The following XPO4 variants were observed in gnomAD, a reference collection of about 807,000 sequenced individuals.
The protein encoded by XPO4 is exportin 4.
A neutral mutation model predicts 143.0 loss-of-function variants in XPO4; 39 were observed. That is an observed-to-expected ratio of 0.27 (90% CI 0.21 to 0.36). XPO4 has a LOEUF of 0.36. Among genes scored for constraint, XPO4 ranks in the 10% least tolerant of loss-of-function variants. The pLI, the probability that XPO4 is intolerant of heterozygous loss-of-function variation, is 1.00. For synonymous variants in XPO4, 439 were observed against 474.0 expected, an observed-to-expected ratio of 0.93 and a Z score of 0.96; for missense variants, 907 against 1,348.0, an observed-to-expected ratio of 0.67 and a Z score of 5.12.
chr13:20,888,048 G>A (rs185912498), intron 1 of XPO4, among the ~76,000 whole-genome samples: 8 of 150,938 alleles, frequency 5.3e-5, no homozygotes, highest in Non-Finnish European at 7.4e-5. Context: ...GGTAGTGTAC[G>A]CCTGTAATCC....
chr13:20,790,418 C>G (rs769110968), intron 19 of XPO4, 44 bp downstream of exon 19: 4 of 1,427,178 alleles, frequency 2.8e-6, no homozygotes, highest in Non-Finnish European at 4.0e-6. Context: ...CTTTGAACTT[C>G]AGTTACACAT....
intron 1 of XPO4, among the ~76,000 whole-genome samples, chr13:20,886,510 G>A (rs1408554552): frequency 4.6e-5 from 7 of 152,044 alleles, no homozygotes; most frequent in Admixed American, 4.6e-4. Flanking sequence ...TACTCGGGAG[G>A]CTGAGGCAGG....
intron 1 of XPO4, among the ~76,000 whole-genome samples, chr13:20,876,488 G>A (rs2060354935): frequency 6.6e-6 from 1 of 151,692 alleles, no homozygotes. Context: ...CAATTTCTAA[G>A]GAAAAACATA....
At chr13:20,794,335 C>T (rs1205138649) in intron 18 of XPO4, among the ~76,000 whole-genome samples, 1 of 139,310 alleles carries the variant, frequency 7.2e-6, no homozygotes, top group Non-Finnish European at 1.5e-5. Flanking sequence ...AATAAGAATC[C>T]AAGAAAATGA....
In XPO4 at chr13:20,795,636, G is replaced by A. The variant is rs151058656; in HGVS notation, c.2797+440C>T. 9.4e-4 allele frequency among the ~76,000 whole-genome samples: 143 copies of A among 152,266 alleles called. 1 individual carries two copies. The highest frequency in any genetic ancestry group is 3.0e-3 in the African/African-American group (124 of 41,544). On this transcript the variant is annotated intron_variant, in intron 18 of 22. Transcript: ENST00000255305. ...TGCTAGGGTTTCTGGGGTGGCCACC[G>A]TGAGGAACATGGAGAAGTGATTAGT...
intron 6 of XPO4, among the ~76,000 whole-genome samples, chr13:20,837,912 T>C (rs139305477): frequency 0.021 from 3,134 of 152,212 alleles, 84 homozygotes; most frequent in Middle Eastern, 0.075. Flanking sequence ...ATGGGAATTA[T>C]GGGAGTACAA....
chr13:20,877,114 C>T (rs745719978), intron 1 of XPO4, among the ~76,000 whole-genome samples: 6 of 152,168 alleles, frequency 3.9e-5, no homozygotes, highest in Non-Finnish European at 8.8e-5. Flanking sequence ...TGCCCCCACT[C>T]GACCCAGGAA....
At chr13:20,794,759 A>C (rs1187596241) in intron 18 of XPO4, among the ~76,000 whole-genome samples, 4 of 152,142 alleles carry the variant, frequency 2.6e-5, no homozygotes, top group African/African-American at 9.7e-5. Flanking sequence ...AGAAAGAAAA[A>C]GTTAAGAACT....
intron 10 of XPO4, among the ~76,000 whole-genome samples, chr13:20,809,456 C>A (rs1158615209): frequency 6.6e-6 from 1 of 152,164 alleles, no homozygotes; most frequent in Non-Finnish European, 1.5e-5. Context: ...AGGAATCACT[C>A]CATGGTGATC....
At chr13:20,792,184 C>T (rs12873484) in intron 18 of XPO4, among the ~76,000 whole-genome samples, 5,615 of 152,244 alleles carry the variant, frequency 0.037, 231 homozygotes, top group African/African-American at 0.096. Flanking sequence ...CAAGGCCAGG[C>T]GCAGTAATCC....
chr13:20,869,349 C>T (rs958359671), intron 1 of XPO4: 4 of 216,128 alleles, frequency 1.9e-5, no homozygotes, highest in Non-Finnish European at 3.2e-5. Context: ...TGTTAACAAT[C>T]GTTCTTCTAA....
In XPO4 at chr13:20,893,969, G is replaced by A. The variant is rs538719102; in HGVS notation, c.69+8701C>T. On this transcript the variant is annotated intron_variant, in intron 1 of 22. Coordinates refer to ENST00000255305, the MANE Select transcript of XPO4 (RefSeq NM_022459.5). ...AGTGATTCTCCTGCCTCAGCCTCCC[G>A]AGTAGCTGGGAATACAGGCATGCGC... Among the ~76,000 whole-genome samples, 4 of 152,060 alleles carry A rather than the reference G, an allele frequency of 2.6e-5. No individual in the cohort carries two copies. The South Asian group carries it at 8.3e-4, about 32-fold the overall frequency.
chr13:20,790,677 C>A, intron 18 of XPO4, 97 bp from the exon 19 acceptor site: 1 of 905,470 alleles, frequency 1.1e-6, no homozygotes, highest in South Asian at 1.4e-5. Context: ...CCCCTAGAGG[C>A]TAAATAAATC....
chr13:20,858,170 A>T (rs1343378761), intron 3 of XPO4, among the ~76,000 whole-genome samples: 1 of 152,210 alleles, frequency 6.6e-6, no homozygotes, highest in Non-Finnish European at 1.5e-5. Flanking sequence ...ATTAAAAAAA[A>T]ACCTACTGTA....
At chr13:20,855,232 G>C (rs928936187) in intron 4 of XPO4, among the ~76,000 whole-genome samples, 1 of 152,114 alleles carries the variant, frequency 6.6e-6, no homozygotes, top group Non-Finnish European at 1.5e-5. Flanking sequence ...GAAGCAGGCG[G>C]ATCACCTGAG....
chr13:20,848,706 G>A, intron 4 of XPO4: 1 of 985,338 alleles, frequency 1.0e-6, no homozygotes, highest in Non-Finnish European at 1.2e-6. Context: ...AATGCTGTTT[G>A]GATTAATGAA....
intron 4 of XPO4, among the ~76,000 whole-genome samples, chr13:20,853,657 C>T (rs978952908): frequency 6.6e-6 from 1 of 152,116 alleles, no homozygotes; most frequent in African/African-American, 2.4e-5. Flanking sequence ...AATTAAATTT[C>T]ACAATACTAA....
At chr13:20,851,377 A>G (rs1257696295) in intron 4 of XPO4, 1 of 985,114 alleles carries the variant, frequency 1.0e-6, no homozygotes, top group African/African-American at 1.8e-5. Flanking sequence ...ACTGAAGTAT[A>G]CTGATTTCCT....
intron 2 of XPO4, chr13:20,866,314 A>G (rs2060244676): frequency 1.0e-6 from 1 of 984,886 alleles, no homozygotes; most frequent in African/African-American, 1.7e-5. Flanking sequence ...AGAGAAAGAA[A>G]TGAGGAAAAA....
Sources: allele counts gnomAD v4.1 joint callset (sites outside exome capture counted in the v4.1 genomes callset), GRCh38; gene constraint gnomAD v4.1.1; transcripts MANE v1.5; gene names NCBI Gene and HGNC (gene_info 2026-07-23, HGNC 2026-07-21).